The following EPHA5 variants were observed in gnomAD, a reference collection of about 807,000 sequenced individuals.
EPHA5 encodes the protein EPH receptor A5.
EPHA5 carries 60 observed loss-of-function variants against 105.0 expected under a neutral mutation model. The observed-to-expected ratio is 0.57, with a 90% CI of 0.46 to 0.71. The LOEUF (loss-of-function observed/expected upper bound fraction) is 0.71, where lower values mean the gene tolerates loss of function less well. Ranked by LOEUF, EPHA5 falls within the 30% of genes least tolerant of loss-of-function variation. The probability of loss-of-function intolerance (pLI) is 0.00; values close to 1 mark genes in which losing one functional copy is unlikely to be tolerated. For synonymous variants in EPHA5, 513 were observed against 449.1 expected, an observed-to-expected ratio of 1.14 and a Z score of -1.80; for missense variants, 1,218 against 1,274.7, an observed-to-expected ratio of 0.96 and a Z score of 0.68.
At chr4:65,411,017 A>T (rs947343274) in intron 7 of EPHA5, among the ~76,000 whole-genome samples, 6 of 152,102 alleles carry the variant, frequency 3.9e-5, no homozygotes, top group African/African-American at 1.4e-4. Flanking sequence ...TATTCATGGT[A>T]AGTTTCTTTG....
chr4:65,542,530 C>G (rs1470043295), intron 3 of EPHA5, among the ~76,000 whole-genome samples: 1 of 151,594 alleles, frequency 6.6e-6, no homozygotes, highest in Non-Finnish European at 1.5e-5. Flanking sequence ...ACAAAGAAGT[C>G]GAATCCCTGG....
intron 6 of EPHA5, among the ~76,000 whole-genome samples, chr4:65,419,539 C>T (rs1351984657): frequency 6.6e-6 from 1 of 152,146 alleles, no homozygotes; most frequent in African/African-American, 2.4e-5. Context: ...ATATTTCTAG[C>T]TCAGACTCTC....
At chr4:65,445,577 C>T (rs1270695030) in intron 5 of EPHA5, among the ~76,000 whole-genome samples, 1 of 152,078 alleles carries the variant, frequency 6.6e-6, no homozygotes, top group Non-Finnish European at 1.5e-5. Context: ...AATATAATAT[C>T]TGTGTACTCC....
chr4:65,320,764 A>C lies in EPHA5; in HGVS notation c.*3350T>G. 1 of 230,246 alleles carries C rather than the reference A, an allele frequency of 4.3e-6. No homozygotes were observed. 14.3% of individuals were successfully genotyped at this position (230,246 alleles called of 1,614,324 possible). ...CATGAAACTGTGTCTTCACTTTTTT[A>C]CACTGGTCAAAACTCTTTTACAAAC... On this transcript the variant is annotated 3_prime_UTR_variant, in exon 17 of 17. Transcript: ENST00000613740.
chr4:65,459,172 A>G (rs1485155768), intron 5 of EPHA5, among the ~76,000 whole-genome samples: 2 of 152,062 alleles, frequency 1.3e-5, no homozygotes, highest in South Asian at 4.1e-4. Context: ...ACCATACTCA[A>G]TACTTAGTTT....
At chr4:65,547,481 A>C (rs1737492301) in intron 3 of EPHA5, among the ~76,000 whole-genome samples, 1 of 152,012 alleles carries the variant, frequency 6.6e-6, no homozygotes, top group Non-Finnish European at 1.5e-5. Context: ...TTCATAATCC[A>C]TGCATTTTTA....
At chr4:65,531,964 G>C (rs934764116) in intron 3 of EPHA5, among the ~76,000 whole-genome samples, 2 of 152,102 alleles carry the variant, frequency 1.3e-5, no homozygotes, top group Non-Finnish European at 2.9e-5. Flanking sequence ...GTGTATACGA[G>C]GCTTAATATG....
At position 65,320,076 on chromosome 4, in the gene EPHA5, T is replaced by C. The variant is rs1053492415; in HGVS notation, c.*4038A>G. On this transcript the variant is annotated 3_prime_UTR_variant, in exon 17 of 17. Transcript: ENST00000613740. ...TCTTTTAAAAGAATTGGTATCTTCTTCTAAGCAATGATTATGTGGTCATTC... is the reference window on the plus strand; with the variant it reads ...TCTTTTAAAAGAATTGGTATCTTCTCCTAAGCAATGATTATGTGGTCATTC... 1.3e-5 allele frequency: 3 copies of C among 230,412 alleles called. No homozygotes were observed. In the East Asian group the frequency reaches 1.8e-4, roughly 14 times the overall value. The allele number at this position is 230,412 out of a possible 1,614,324, so 14.3% of individuals were successfully genotyped here.
chr4:65,614,486 C>T (rs1252367366), intron 2 of EPHA5, among the ~76,000 whole-genome samples: 2 of 151,576 alleles, frequency 1.3e-5, no homozygotes, highest in African/African-American at 2.4e-5. Flanking sequence ...GGTAAATGTC[C>T]CTGACCTCCC....
intron 2 of EPHA5, among the ~76,000 whole-genome samples, chr4:65,610,013 G>A (rs968617862): frequency 1.3e-5 from 2 of 151,602 alleles, no homozygotes; most frequent in African/African-American, 4.8e-5. Flanking sequence ...TTAAAATAAG[G>A]CATTCAAAAA....
At chr4:65,426,309 T>A (rs1397807949) in intron 5 of EPHA5, among the ~76,000 whole-genome samples, 1 of 152,184 alleles carries the variant, frequency 6.6e-6, no homozygotes, top group Non-Finnish European at 1.5e-5. Flanking sequence ...CCTTTACACT[T>A]GCATTTCTTT....
chr4:65,615,898 G>C (rs1329118518), intron 2 of EPHA5, among the ~76,000 whole-genome samples: 1 of 151,790 alleles, frequency 6.6e-6, no homozygotes, highest in Non-Finnish European at 1.5e-5. Context: ...AATTAAATCT[G>C]AAATTGCCAT....
intron 3 of EPHA5, among the ~76,000 whole-genome samples, chr4:65,600,867 G>A (rs796366596): frequency 4.6e-5 from 7 of 151,842 alleles, no homozygotes; most frequent in East Asian, 1.9e-4. Context: ...CAGTTTAAAC[G>A]GCCAACTCAC....
intron 3 of EPHA5, among the ~76,000 whole-genome samples, chr4:65,546,363 C>T (rs1231791753): frequency 6.6e-6 from 1 of 151,690 alleles, no homozygotes; most frequent in African/African-American, 2.4e-5. Flanking sequence ...TATAAGGTGT[C>T]CAGAAAAAAT....
At chr4:65,342,162 T>TTTG (rs34295301) in intron 14 of EPHA5, among the ~76,000 whole-genome samples, 1 of 151,108 alleles carries the variant, frequency 6.6e-6, no homozygotes, top group Admixed American at 6.6e-5. Flanking sequence ...AGATTTTTGT[T>TTTG]TTGTTGTTGT....
chr4:65,324,328 T>C lies in EPHA5; in HGVS notation c.2946-109A>G, dbSNP rs2148777682. On this transcript the variant is annotated intron_variant, in intron 16 of 16. Coordinates refer to ENST00000613740, the MANE Select transcript of EPHA5 (RefSeq NM_001281766.3). ...AGTGCAGACACTAGTTAGATTACAG[T>C]CCTAATTTAGACATACAGAGTCTAG... 2 of 671,116 alleles carry C rather than the reference T, an allele frequency of 3.0e-6. 1 individual carries two copies. Among genetic ancestry groups the C allele is most frequent in the Admixed American group, 5.4e-5 (2 of 37,112 alleles). The allele number at this position is 671,116 out of a possible 1,614,324, so 41.6% of individuals were successfully genotyped here. A position where few individuals can be genotyped will look rare whatever the true frequency, so the allele number is the denominator to read the frequency against.
At chr4:65,351,271 TTCTC>T (rs1170460228) in intron 13 of EPHA5, 114 bp downstream of exon 13, 3 of 906,132 alleles carry the variant, frequency 3.3e-6, no homozygotes, top group Non-Finnish European at 5.0e-6. Flanking sequence ...CTCCCCCTCA[TTCTC>T]TCTCTTTCTT....
chr4:65,489,710 A>C (rs1400585413), intron 5 of EPHA5, among the ~76,000 whole-genome samples: 2 of 152,178 alleles, frequency 1.3e-5, no homozygotes, highest in Non-Finnish European at 2.9e-5. Flanking sequence ...TGAACATTTG[A>C]GGGGAAAATA....
At chr4:65,516,319 T>C (rs1734100184) in intron 3 of EPHA5, among the ~76,000 whole-genome samples, 1 of 152,192 alleles carries the variant, frequency 6.6e-6, no homozygotes. Context: ...AATGAAAATG[T>C]TATTAAAATC....
Sources: allele counts gnomAD v4.1 joint callset (sites outside exome capture counted in the v4.1 genomes callset), GRCh38; gene constraint gnomAD v4.1.1; transcripts MANE v1.5; gene names NCBI Gene and HGNC (gene_info 2026-07-23, HGNC 2026-07-21).